Variants in NRXN1 observed in about 807,000 individuals in gnomAD.
NRXN1 encodes neurexin-1.
In NRXN1, 39 loss-of-function variants were observed where a neutral mutation model predicts 150.9. That is an observed-to-expected ratio of 0.26 (90% CI 0.20 to 0.34). The LOEUF is 0.34. Among genes scored for constraint, NRXN1 ranks in the 10% least tolerant of loss-of-function variants. NRXN1 has a pLI of 1.00. For missense variants in NRXN1, 1,815 were observed against 1,949.9 expected (o/e 0.93, Z 1.30); for synonymous variants, 924 against 757.0 (o/e 1.22, Z -3.62).
intron 18 of NRXN1, among the ~76,000 whole-genome samples, chr2:50,160,686 CT>C (rs2059311053): frequency 6.6e-6 from 1 of 152,078 alleles, no homozygotes; most frequent in Non-Finnish European, 1.5e-5. Context: ...GGATTAAGGA[CT>C]TCCCAAAGTA....
intron 17 of NRXN1, among the ~76,000 whole-genome samples, chr2:50,243,274 T>A (rs985447982): frequency 6.6e-6 from 1 of 151,698 alleles, no homozygotes; most frequent in African/African-American, 2.4e-5. Context: ...AACATCACTA[T>A]AAGTGTGTAC....
chr2:50,137,553 T>C (rs1272874802), intron 18 of NRXN1, among the ~76,000 whole-genome samples: 1 of 151,982 alleles, frequency 6.6e-6, no homozygotes, highest in African/African-American at 2.4e-5. Context: ...AAAGAAGAAA[T>C]GTAATAACTT....
chr2:50,553,032 G>T lies in NRXN1; in HGVS notation c.1321-7C>A. 1 of 1,569,964 alleles carries T rather than the reference G, an allele frequency of 6.4e-7. No homozygotes were observed. Among genetic ancestry groups the T allele is most frequent in the South Asian group, 1.2e-5 (1 of 86,086 alleles). On this transcript the variant is annotated splice_region_variant and splice_polypyrimidine_tract_variant and intron_variant, in intron 8 of 22. Transcript: ENST00000401669. ...CATTATTTTTATATACAACCTGTGGGCAGAGGATAGCAGTGAGAAACTAGC... is the reference window on the plus strand; with the variant it reads ...CATTATTTTTATATACAACCTGTGGTCAGAGGATAGCAGTGAGAAACTAGC...
At chr2:50,064,422 C>T (rs1468211010) in intron 19 of NRXN1, among the ~76,000 whole-genome samples, 2 of 124,676 alleles carry the variant, frequency 1.6e-5, no homozygotes, top group Admixed American at 9.0e-5. Context: ...ATTAATACCA[C>T]GTGGGATCTT....
At chr2:49,991,460 A>G (rs942211207) in intron 21 of NRXN1, among the ~76,000 whole-genome samples, 2 of 152,170 alleles carry the variant, frequency 1.3e-5, no homozygotes, top group African/African-American at 2.4e-5. Flanking sequence ...CAAAATAAAA[A>G]AAACATAATA....
intron 18 of NRXN1, among the ~76,000 whole-genome samples, chr2:50,234,382 T>C (rs1453446162): frequency 6.6e-6 from 1 of 151,842 alleles, no homozygotes; most frequent in Non-Finnish European, 1.5e-5. Flanking sequence ...TAATCCTAGA[T>C]ATTTGGGAGG....
intron 2 of NRXN1, among the ~76,000 whole-genome samples, chr2:50,957,520 A>C (rs1436700398): frequency 1.3e-5 from 2 of 152,132 alleles, no homozygotes; most frequent in Non-Finnish European, 2.9e-5. Flanking sequence ...CCCAGCACAG[A>C]ATGCCAATAA....
intron 8 of NRXN1, among the ~76,000 whole-genome samples, chr2:50,562,783 A>G (rs1205890605): frequency 6.6e-6 from 1 of 152,132 alleles, no homozygotes; most frequent in Non-Finnish European, 1.5e-5. Context: ...TTAAATTATT[A>G]CATATATGAG....
intron 21 of NRXN1, among the ~76,000 whole-genome samples, chr2:49,949,294 C>A (rs1260062344): frequency 6.6e-6 from 1 of 151,790 alleles, no homozygotes; most frequent in Non-Finnish European, 1.5e-5. Flanking sequence ...TATAGGAAGC[C>A]TTTTATTTTT....
At chr2:49,985,773 G>C (rs1355938376) in intron 21 of NRXN1, among the ~76,000 whole-genome samples, 1 of 152,050 alleles carries the variant, frequency 6.6e-6, no homozygotes, top group East Asian at 1.9e-4. Flanking sequence ...AAATGAGTGA[G>C]AATGATAACA....
At chr2:50,217,287 T>A (rs1366551401) in intron 18 of NRXN1, among the ~76,000 whole-genome samples, 2 of 152,208 alleles carry the variant, frequency 1.3e-5, no homozygotes, top group East Asian at 1.9e-4. Context: ...AGTAGACTTA[T>A]TCTCAATCAC....
intron 5 of NRXN1, among the ~76,000 whole-genome samples, chr2:50,661,693 T>C (rs1258445891): frequency 2.0e-5 from 3 of 152,034 alleles, no homozygotes; most frequent in Non-Finnish European, 1.5e-5. Context: ...ACAGCTAGGG[T>C]TTCCCCTTCC....
At chr2:51,021,121 G>T (rs1256927775) in intron 2 of NRXN1, among the ~76,000 whole-genome samples, 1 of 151,802 alleles carries the variant, frequency 6.6e-6, no homozygotes, top group African/African-American at 2.4e-5. Context: ...AAAAGTATAA[G>T]ATTTTTGCAT....
intron 18 of NRXN1, among the ~76,000 whole-genome samples, chr2:50,133,308 C>T (rs1705839333): frequency 8.8e-6 from 1 of 113,256 alleles, no homozygotes; most frequent in African/African-American, 3.1e-5. Flanking sequence ...AGTACAGCCT[C>T]CAGTGTGGAG....
intron 5 of NRXN1, among the ~76,000 whole-genome samples, chr2:50,744,961 T>C (rs888611060): frequency 5.3e-5 from 8 of 152,150 alleles, no homozygotes; most frequent in Non-Finnish European, 7.3e-5. Context: ...TCTGTATTCC[T>C]CCTTTGTGCT....
At chr2:50,512,110 C>G (rs576024106) in intron 12 of NRXN1, among the ~76,000 whole-genome samples, 1 of 152,238 alleles carries the variant, frequency 6.6e-6, no homozygotes, top group Non-Finnish European at 1.5e-5. Context: ...CAGCCAACTT[C>G]AAACTATTGT....
Position 50,566,452 on chromosome 2 carries a change from G to T in NRXN1, c.1321-13427C>A, listed in dbSNP as rs143113284. 3.5e-4 allele frequency among the ~76,000 whole-genome samples: 50 copies of T among 141,446 alleles called. 1 individual carries two copies. Among genetic ancestry groups the T allele is most frequent in the Admixed American group, 3.4e-3 (46 of 13,510 alleles). The allele number at this position is 141,446 out of a possible 152,430, so 92.8% of individuals were successfully genotyped here. A position where few individuals can be genotyped will look rare whatever the true frequency, so the allele number is the denominator to read the frequency against. On this transcript the variant is annotated intron_variant, in intron 8 of 22. Transcript: ENST00000401669. ...GTATTTTTAATAGATACAGGGTTTC[G>T]CTATGTTGGCCAGGCTGGTCTGAAA...
At chr2:50,841,905 C>A (rs1005354102) in intron 5 of NRXN1, among the ~76,000 whole-genome samples, 5 of 152,106 alleles carry the variant, frequency 3.3e-5, no homozygotes, top group African/African-American at 1.2e-4. Flanking sequence ...TGAATAAATT[C>A]TTTGTCATTT....
At chr2:50,890,256 T>C (rs554872456) in intron 5 of NRXN1, among the ~76,000 whole-genome samples, 47 of 151,940 alleles carry the variant, frequency 3.1e-4, no homozygotes, top group African/African-American at 1.1e-3. Flanking sequence ...TTGTAAAAGG[T>C]GGTGAAGTGA....
Sources: gnomAD v4.1 joint callset for allele counts (sites outside exome capture counted in the v4.1 genomes callset) on GRCh38, gnomAD v4.1.1 for gene constraint, MANE v1.5 for transcripts, NCBI Gene and HGNC (gene_info 2026-07-23, HGNC 2026-07-21) for gene names.